Variants in CYP2B6 observed in about 807,000 individuals in gnomAD.
CYP2B6 encodes the protein cytochrome P450 2B6.
Under a neutral mutation model 43.4 loss-of-function variants are expected in CYP2B6, and 35 were observed. The observed-to-expected ratio is 0.81, with a 90% confidence interval of 0.62 to 1.07. The LOEUF is 1.07. Ranked by LOEUF, CYP2B6 falls within the 50% of genes least tolerant of loss-of-function variation. The probability of loss-of-function intolerance (pLI) is 0.00; values close to 1 mark genes in which losing one functional copy is unlikely to be tolerated. For synonymous variants in CYP2B6, 239 were observed against 239.2 expected, an observed-to-expected ratio of 1.00 and a Z score of 0.01; for missense variants, 624 against 632.8, an observed-to-expected ratio of 0.99 and a Z score of 0.15.
intron 1 of CYP2B6, among the ~76,000 whole-genome samples, chr19:40,999,170 G>T (rs1969042551): frequency 6.6e-6 from 1 of 152,042 alleles, no homozygotes; most frequent in East Asian, 1.9e-4. Flanking sequence ...TTTCTCTGAT[G>T]GCCATTGATG....
chr19:41,010,473 G>C (rs1270922319), intron 6 of CYP2B6, among the ~76,000 whole-genome samples: 3 of 151,038 alleles, frequency 2.0e-5, no homozygotes, highest in Admixed American at 6.6e-5. Flanking sequence ...GAGTGCAGTG[G>C]CATGCTCTTG....
chr19:41,009,642 A>ACAGAGGGAGAGAGAGAGAAGACTGG (rs1969247162), intron 5 of CYP2B6: 1 of 615,296 alleles, frequency 1.6e-6, no homozygotes, highest in Non-Finnish European at 2.9e-6. Context: ...AGAATGAAAG[A>ACAGAGGGAGAGAGAGAGAAGACTGG]CAGAGGGAGA....
At chr19:41,002,588 C>T (rs966772631) in intron 1 of CYP2B6, among the ~76,000 whole-genome samples, 2 of 152,100 alleles carry the variant, frequency 1.3e-5, no homozygotes, top group Non-Finnish European at 2.9e-5. Context: ...TGCTCTGTCG[C>T]CCAGGCTGGA....
Position 40,991,299 on chromosome 19 carries a change from C to T in CYP2B6, c.-7C>T. The stretch of plus-strand genomic sequence containing the variant: ...GCAGCAGGGTGCAGGGCAGTCAGAC[C>T]AGGACCATGGAACTCAGCGTCCTCC... On this transcript the variant is annotated 5_prime_UTR_variant, in exon 1 of 9. Transcript: ENST00000324071. 6.2e-7 allele frequency: 1 copy of T among 1,614,002 alleles called. No homozygotes were observed. Among genetic ancestry groups the T allele is most frequent in the Non-Finnish European group, 8.5e-7 (1 of 1,180,012 alleles).
At position 40,991,490 on chromosome 19, in the gene CYP2B6, G is replaced by A. The variant is rs575020216; in HGVS notation, c.171+14G>A. On this transcript the variant is annotated intron_variant, in intron 1 of 8. Transcript: ENST00000324071. ...TCCTTTCTGAGGGTAAGACACAGAC[G>A]AATGGGGTCTGAGGGTGAGCTGCTT... The A allele has an allele frequency of 9.9e-6, 16 of 1,613,054 alleles. No homozygotes were observed. Among genetic ancestry groups the A allele is most frequent in the Middle Eastern group, 1.8e-4 (1 of 5,470 alleles).
intron 1 of CYP2B6, among the ~76,000 whole-genome samples, chr19:41,000,768 G>T (rs1031137286): frequency 6.6e-6 from 1 of 152,036 alleles, no homozygotes; most frequent in Non-Finnish European, 1.5e-5. Flanking sequence ...GCTGGGCATG[G>T]CAGCCCATGC....
rs573144980 is a variant in CYP2B6 at position 41,006,831 on chromosome 19, A to C, written c.485-74A>C. The C allele has an allele frequency of 4.4e-5, 62 of 1,398,316 alleles. No individual in the cohort carries two copies. In the South Asian group the frequency reaches 6.8e-4, roughly 15 times the overall value. 86.6% of individuals were successfully genotyped at this position (1,398,316 alleles called of 1,614,324 possible). A position where few individuals can be genotyped will look rare whatever the true frequency, so the allele number is the denominator to read the frequency against. Reference sequence around the variant, plus strand: ...CATTACTGAGTGATGGCAGACAATCACACAGAGATAGGTGACAGCCTGATG... The same window carrying C: ...CATTACTGAGTGATGGCAGACAATCCCACAGAGATAGGTGACAGCCTGATG... On this transcript the variant is annotated intron_variant, in intron 3 of 8. Coordinates refer to ENST00000324071, the MANE Select transcript of CYP2B6 (RefSeq NM_000767.5).
At chr19:41,016,200 A>G (rs565248025) in intron 8 of CYP2B6, among the ~76,000 whole-genome samples, 196 of 152,186 alleles carry the variant, frequency 1.3e-3, no homozygotes, top group African/African-American at 4.6e-3. Flanking sequence ...GCTCGAGGCT[A>G]GCCTGGCCAA....
rs45466193 is a variant in CYP2B6 at position 41,012,381 on chromosome 19, G to T, written c.1048G>T (p.Glu350Ter). 1 of 1,614,128 alleles carries T rather than the reference G, an allele frequency of 6.2e-7. No homozygotes were observed. Among genetic ancestry groups the T allele is most frequent in the African/African-American group, 1.3e-5 (1 of 75,008 alleles). ...LHDRAKMPYT[E>*]AVIYEIQRFS... ...TGACCGAGCCAAAATGCCATACACA[G>T]AGGCAGTCATCTATGAGATTCAGAG... Residue 350 changes from glutamate (E) to a stop codon, truncating the protein, a stop_gained, in exon 7 of 9, where the codon GAG (glutamate) becomes TAG (stop). Coordinates refer to ENST00000324071, the MANE Select transcript of CYP2B6 (RefSeq NM_000767.5). LOFTEE classifies it high-confidence loss of function.
intron 1 of CYP2B6, among the ~76,000 whole-genome samples, chr19:40,999,424 A>G (rs1360712062): frequency 6.6e-6 from 1 of 151,798 alleles, no homozygotes; most frequent in Non-Finnish European, 1.5e-5. Flanking sequence ...TCTTTAGTTT[A>G]ATTAGATCCC....
At chr19:41,010,212 T>G in intron 6 of CYP2B6, 77 bp downstream of exon 6, 1 of 1,559,350 alleles carries the variant, frequency 6.4e-7, no homozygotes, top group South Asian at 1.1e-5. Context: ...GGGTACCACC[T>G]GGATGAGAGA....
At position 41,011,687 on chromosome 19, in the gene CYP2B6, G is replaced by A. The variant is rs145421204; in HGVS notation, c.965-611G>A. 1.4e-3 allele frequency among the ~76,000 whole-genome samples: 206 copies of A among 152,230 alleles called. 1 individual carries two copies. The highest frequency in any genetic ancestry group is 4.7e-3 in the African/African-American group (194 of 41,516). On this transcript the variant is annotated intron_variant, in intron 6 of 8. Coordinates refer to ENST00000324071, the MANE Select transcript of CYP2B6 (RefSeq NM_000767.5). ...CATCTTAGAGAGGGTGTTTTGAGAGGTTTGTAGCCTGGAGTTCTTAATCTG... is the reference window on the plus strand; with the variant it reads ...CATCTTAGAGAGGGTGTTTTGAGAGATTTGTAGCCTGGAGTTCTTAATCTG...
Position 41,010,119 on chromosome 19 carries a change from A to G in CYP2B6, c.948A>G (p.Lys316=). 1 of 1,613,428 alleles carries G rather than the reference A, an allele frequency of 6.2e-7. No homozygotes were observed. The change falls in exon 6 of 9, where the codon AAA becomes AAG. Residue 316 remains lysine (K), a synonymous_variant. Transcript: ENST00000324071. ...TLRYGFLLML[K]YPHVAERVYR... ...GCTACGGCTTCCTGCTCATGCTCAA[A>G]TACCCTCATGTTGCAGGTGGGCCAG...
intron 8 of CYP2B6, among the ~76,000 whole-genome samples, chr19:41,014,402 T>C (rs1164150764): frequency 1.3e-5 from 2 of 151,754 alleles, no homozygotes; most frequent in Non-Finnish European, 2.9e-5. Context: ...GCCTCCCAGG[T>C]TCAAGTGATT....
At chr19:41,001,492 G>C (rs1660860774) in intron 1 of CYP2B6, among the ~76,000 whole-genome samples, 5 of 152,074 alleles carry the variant, frequency 3.3e-5, no homozygotes, top group Admixed American at 6.6e-5. Context: ...GATGTCAGAG[G>C]GATGTGGGCT....
intron 1 of CYP2B6, among the ~76,000 whole-genome samples, chr19:40,999,280 C>G (rs569285587): frequency 6.6e-6 from 1 of 151,770 alleles, no homozygotes; most frequent in African/African-American, 2.4e-5. Context: ...TTGTTTTTTT[C>G]TTGTAAATTT....
At chr19:41,015,211 A>G (rs1969343391) in intron 8 of CYP2B6, among the ~76,000 whole-genome samples, 1 of 152,172 alleles carries the variant, frequency 6.6e-6, no homozygotes, top group African/African-American at 2.4e-5. Flanking sequence ...AAGAAATTCG[A>G]AAGGTGTCCA....
intron 1 of CYP2B6, among the ~76,000 whole-genome samples, chr19:41,001,118 G>C (rs1323287577): frequency 6.6e-6 from 1 of 152,086 alleles, no homozygotes; most frequent in Non-Finnish European, 1.5e-5. Context: ...CATTTGTCCA[G>C]TGGCACACAA....
chr19:41,005,817 CA>C (rs1568560567), intron 3 of CYP2B6, among the ~76,000 whole-genome samples: 1 of 151,410 alleles, frequency 6.6e-6, no homozygotes, highest in African/African-American at 2.4e-5. Flanking sequence ...TAAAGAACGG[CA>C]GGGGGGAGAC....
Sources: allele counts gnomAD v4.1 joint callset (sites outside exome capture counted in the v4.1 genomes callset), GRCh38; gene constraint gnomAD v4.1.1; transcripts MANE v1.5; gene names NCBI Gene and HGNC (gene_info 2026-07-23, HGNC 2026-07-21).